The following SPAG9 variants were observed in gnomAD, a reference collection of about 807,000 sequenced individuals.
SPAG9 encodes the protein sperm associated antigen 9.
In SPAG9, 35 loss-of-function variants were observed where a neutral mutation model predicts 166.5. That is an observed-to-expected ratio of 0.21 (90% CI 0.16 to 0.28). SPAG9 has a LOEUF of 0.28. SPAG9 is among the 10% of genes least tolerant of loss of function. SPAG9 has a pLI of 1.00. For synonymous variants in SPAG9, 534 were observed against 565.5 expected (o/e 0.94, Z 0.79); for missense variants, 1,235 against 1,603.3 (o/e 0.77, Z 3.92).
intron 1 of SPAG9, among the ~76,000 whole-genome samples, chr17:51,106,355 C>CTTATTTTAT (rs2048951058): frequency 6.6e-5 from 10 of 151,960 alleles, no homozygotes; most frequent in Admixed American, 6.6e-4. Context: ...AAATAAAGTA[C>CTTATTTTAT]CTGCCACTCT....
chr17:51,099,433 CAAAA>C (rs34069450), intron 1 of SPAG9, among the ~76,000 whole-genome samples: 2 of 75,526 alleles, frequency 2.6e-5, no homozygotes, highest in Admixed American at 1.5e-4. Flanking sequence ...AACTCTGTCT[CAAAA>C]AAAAAAAAAA....
chr17:51,028,176 T>C (rs962153077), intron 6 of SPAG9, among the ~76,000 whole-genome samples: 3 of 151,970 alleles, frequency 2.0e-5, no homozygotes, highest in African/African-American at 7.2e-5. Context: ...CTAAACATTA[T>C]TACAAAAAAA....
At chr17:51,044,395 TCAA>T (rs1398336337) in intron 4 of SPAG9, among the ~76,000 whole-genome samples, 3 of 152,232 alleles carry the variant, frequency 2.0e-5, no homozygotes, top group Non-Finnish European at 4.4e-5. Flanking sequence ...AACGAAGCTA[TCAA>T]CAACTATCAG....
At chr17:51,013,725 A>C (rs2045582910) in intron 9 of SPAG9, among the ~76,000 whole-genome samples, 1 of 152,198 alleles carries the variant, frequency 6.6e-6, no homozygotes, top group African/African-American at 2.4e-5. Context: ...ATTCTTCTAG[A>C]ACACAAACTT....
At chr17:50,974,244 A>T (rs1974056484) in intron 28 of SPAG9, among the ~76,000 whole-genome samples, 1 of 152,220 alleles carries the variant, frequency 6.6e-6, no homozygotes, top group Non-Finnish European at 1.5e-5. Context: ...TAACAAATGA[A>T]GTAGGCAGAG....
chr17:51,115,390 C>T (rs2049256081), intron 1 of SPAG9, among the ~76,000 whole-genome samples: 1 of 150,404 alleles, frequency 6.6e-6, no homozygotes, highest in South Asian at 2.1e-4. Context: ...AGGGGTCTCA[C>T]TACGTTGCCC....
chr17:51,015,923 GAA>G (rs2045678907), intron 8 of SPAG9, among the ~76,000 whole-genome samples: 1 of 152,012 alleles, frequency 6.6e-6, no homozygotes, highest in Non-Finnish European at 1.5e-5. Context: ...ATGTTCAGAT[GAA>G]AAGACTTACT....
intron 2 of SPAG9, among the ~76,000 whole-genome samples, chr17:51,076,283 C>T (rs1046957756): frequency 6.6e-6 from 1 of 151,226 alleles, no homozygotes; most frequent in African/African-American, 2.4e-5. Context: ...ATTAGCCAGG[C>T]ATGGTGGCTT....
At chr17:50,972,308 A>T (rs1188646749) in intron 28 of SPAG9, among the ~76,000 whole-genome samples, 1 of 152,256 alleles carries the variant, frequency 6.6e-6, no homozygotes, top group Non-Finnish European at 1.5e-5. Flanking sequence ...AAAGTCTTCA[A>T]CTTAAGCCCT....
At chr17:51,081,288 T>TA (rs1478225627) in intron 1 of SPAG9, among the ~76,000 whole-genome samples, 1 of 152,056 alleles carries the variant, frequency 6.6e-6, no homozygotes, top group Non-Finnish European at 1.5e-5. Context: ...CGGTCTCTAC[T>TA]AAAAACACAA....
At chr17:51,087,654 A>C (rs1213076558) in intron 1 of SPAG9, among the ~76,000 whole-genome samples, 1 of 152,194 alleles carries the variant, frequency 6.6e-6, no homozygotes, top group Non-Finnish European at 1.5e-5. Context: ...GTAGCACATG[A>C]GTTCTGCTGA....
At chr17:51,069,831 T>C (rs1251309816) in intron 2 of SPAG9, among the ~76,000 whole-genome samples, 1 of 152,052 alleles carries the variant, frequency 6.6e-6, no homozygotes, top group Non-Finnish European at 1.5e-5. Context: ...ACAAAAAAGG[T>C]AGAAAGGTCA....
chr17:51,031,300 A>G (rs3815377), intron 6 of SPAG9: 5,453 of 231,804 alleles, frequency 0.024, 255 homozygotes, highest in East Asian at 0.19. Flanking sequence ...CTAAGGAAGC[A>G]GTCCACTGTA....
intron 5 of SPAG9, among the ~76,000 whole-genome samples, chr17:51,035,984 A>C (rs1329695084): frequency 6.6e-6 from 1 of 152,188 alleles, no homozygotes; most frequent in African/African-American, 2.4e-5. Context: ...TTGTAACAGC[A>C]AAAGACTAGG....
At chr17:51,032,030 C>T (rs2046403879) in intron 5 of SPAG9, 4 of 487,438 alleles carry the variant, frequency 8.2e-6, no homozygotes, top group Non-Finnish European at 1.6e-5. Context: ...ATGTTTATTC[C>T]AGTCCCTTTG....
intron 19 of SPAG9, among the ~76,000 whole-genome samples, chr17:50,993,499 C>A (rs1975792403): frequency 1.3e-5 from 2 of 152,082 alleles, no homozygotes; most frequent in Admixed American, 6.5e-5. Context: ...CTTTAGAAGA[C>A]CTTTCCTTAT....
In SPAG9 at chr17:51,056,464, CTTTCTT is replaced by C; in HGVS notation, c.437_442del (p.Glu146_Arg148delinsGly). ...ATATTCCTTCTTCAGTTCTGCTTCT[CTTTCTT>C]CAAGTCTGCTAACTGAAATTAAGAT... On this transcript the variant is annotated inframe_deletion, in exon 3 of 30. Transcript: ENST00000262013. 2 of 1,606,402 alleles carry C rather than the reference CTTTCTT, an allele frequency of 1.2e-6. No homozygotes were observed. Among genetic ancestry groups the C allele is most frequent in the Non-Finnish European group, 1.7e-6 (2 of 1,173,552 alleles).
intron 2 of SPAG9, among the ~76,000 whole-genome samples, chr17:51,059,333 T>C (rs2047441230): frequency 6.6e-6 from 1 of 152,136 alleles, no homozygotes; most frequent in Non-Finnish European, 1.5e-5. Flanking sequence ...TTCTTCCTTA[T>C]GTTATCCTAC....
intron 22 of SPAG9, 49 bp from the exon 23 acceptor site, chr17:50,985,827 T>C (rs1975007224): frequency 1.9e-6 from 2 of 1,052,100 alleles, no homozygotes; most frequent in Non-Finnish European, 2.9e-6. Flanking sequence ...CATCAAGACA[T>C]TGCATATATC....
Sources: gnomAD v4.1 joint callset for allele counts (sites outside exome capture counted in the v4.1 genomes callset) on GRCh38, gnomAD v4.1.1 for gene constraint, MANE v1.5 for transcripts, NCBI Gene and HGNC (gene_info 2026-07-23, HGNC 2026-07-21) for gene names.